Variants in CCNJL observed in about 807,000 individuals in gnomAD.
CCNJL encodes cyclin-J-like protein.
Under a neutral mutation model 33.4 loss-of-function variants are expected in CCNJL, and 33 were observed. The observed-to-expected ratio is 0.99, with a 90% CI of 0.75 to 1.32. The LOEUF (loss-of-function observed/expected upper bound fraction) is 1.32. CCNJL is among the 40% of genes most tolerant of loss of function. CCNJL has a pLI of 0.00. For missense variants in CCNJL, 512 were observed against 499.7 expected (o/e 1.02, Z -0.23); for synonymous variants, 227 against 220.9 (o/e 1.03, Z -0.24).
At position 160,259,669 on chromosome 5, in the gene CCNJL, A is replaced by C; in HGVS notation, c.383T>G (p.Leu128Arg). Residue 128 changes from leucine (L) to arginine (R), a missense_variant, in exon 4 of 6, where the codon CTG becomes CGG. Physicochemically the swap from Leu to Arg is moderately radical, Grantham distance 102 (BLOSUM62 -2). Coordinates refer to ENST00000257536, the MANE Select transcript of CCNJL (RefSeq NM_001308173.3). ...CTCCAGGAGCAGCAGCTCTGTGCTC[A>C]GCAGCTCCTTCTTGGTGAGGGTGAA... is the stretch of plus-strand genomic sequence containing the variant. ...QNFTLTKKEL[L>R]STELLLLEAF... is the part of the protein sequence containing the mutation. 1.2e-6 allele frequency: 2 copies of C among 1,614,192 alleles called. No individual in the cohort carries two copies. Among genetic ancestry groups the C allele is most frequent in the East Asian group, 4.5e-5 (2 of 44,880 alleles).
At chr5:160,270,239 T>C (rs545997466) in intron 3 of CCNJL, among the ~76,000 whole-genome samples, 1 of 150,336 alleles carries the variant, frequency 6.7e-6, no homozygotes, top group South Asian at 2.1e-4. Context: ...AGGCCAGGAG[T>C]TCAAGACCAG....
upstream of CCNJL, among the ~76,000 whole-genome samples, chr5:160,313,876 T>C (rs188437818): frequency 7.9e-5 from 12 of 152,268 alleles, no homozygotes; most frequent in Non-Finnish European, 1.6e-4. Context: ...ATTTTAAAAA[T>C]GGGGGGATGG....
Position 160,324,553 on chromosome 5 carries a change from A to G in CCNJL, n.207-9048T>C, listed in dbSNP as rs149538326. ...GTGCCATTGTACTCCAGCCTGGGCAACAAGAGCAAAACTCGGTCTCCAAAA... is the reference window on the plus strand; with the variant it reads ...GTGCCATTGTACTCCAGCCTGGGCAGCAAGAGCAAAACTCGGTCTCCAAAA... On this transcript the variant is annotated intron_variant and non_coding_transcript_variant, in intron 1 of 7. Coordinates refer to the CCNJL transcript ENST00000377503. Among the ~76,000 whole-genome samples, 992 of 152,316 alleles carry G rather than the reference A, an allele frequency of 6.5e-3. 11 individuals are homozygous for G. The highest frequency in any genetic ancestry group is 0.022 in the African/African-American group (930 of 41,572).
intron 2 of CCNJL, among the ~76,000 whole-genome samples, chr5:160,284,700 C>T (rs1306247803): frequency 6.6e-5 from 10 of 152,334 alleles, no homozygotes; most frequent in Admixed American, 2.0e-4. Flanking sequence ...AGCTATTTTT[C>T]GCAGTCCTAG....
intron 1 of CCNJL, chr5:160,326,956 C>T (rs753875633): frequency 2.3e-5 from 14 of 601,400 alleles, no homozygotes; most frequent in East Asian, 4.0e-5. Flanking sequence ...TACTCTGCTA[C>T]GAAGTTTCTC....
At chr5:160,265,419 C>T (rs1561778248) in intron 3 of CCNJL, among the ~76,000 whole-genome samples, 3 of 152,032 alleles carry the variant, frequency 2.0e-5, no homozygotes, top group Non-Finnish European at 2.9e-5. Flanking sequence ...AGGCGGATCA[C>T]GAGGTCAGAA....
At chr5:160,306,500 G>A (rs1458937015) in intron 2 of CCNJL, among the ~76,000 whole-genome samples, 1 of 152,092 alleles carries the variant, frequency 6.6e-6, no homozygotes, top group Non-Finnish European at 1.5e-5. Flanking sequence ...CTGGCTCCCT[G>A]GAGCCCAGGA....
In CCNJL at chr5:160,311,763, TC is replaced by T. The variant is rs1415405270; in HGVS notation, c.66+94del. The stretch of plus-strand genomic sequence containing the variant: ...AGAGGAAAAAAAGGCACCCGGGAGT[TC>T]TGAGTTCCCACGCAGGCGACCTGAG... On this transcript the variant is annotated intron_variant, in intron 2 of 5. Coordinates refer to ENST00000257536, the MANE Select transcript of CCNJL (RefSeq NM_001308173.3). 2.6e-5 allele frequency: 31 copies of T among 1,195,508 alleles called. No individual in the cohort carries two copies. In the African/African-American group the frequency reaches 3.9e-4, roughly 15 times the overall value. 74.1% of individuals were successfully genotyped at this position (1,195,508 alleles called of 1,614,324 possible). A position where few individuals can be genotyped will look rare whatever the true frequency, so the allele number is the denominator to read the frequency against.
At chr5:160,334,361 A>G (rs1004187980) in intron 1 of CCNJL, among the ~76,000 whole-genome samples, 3 of 152,200 alleles carry the variant, frequency 2.0e-5, no homozygotes, top group Non-Finnish European at 1.5e-5. Flanking sequence ...CCACCTACTC[A>G]GCACCTGCGC....
chr5:160,274,352 A>G (rs1346205121), intron 3 of CCNJL, among the ~76,000 whole-genome samples: 1 of 152,030 alleles, frequency 6.6e-6, no homozygotes, highest in African/African-American at 2.4e-5. Context: ...CCAGCTACTC[A>G]GGAGGCTGAA....
At chr5:160,324,017 C>G (rs183689026) in intron 1 of CCNJL, among the ~76,000 whole-genome samples, 3 of 152,250 alleles carry the variant, frequency 2.0e-5, no homozygotes, top group Admixed American at 2.0e-4. Flanking sequence ...ACCCTCAGAC[C>G]TCATGGGTCT....
intron 3 of CCNJL, among the ~76,000 whole-genome samples, chr5:160,273,445 A>C (rs1761906484): frequency 6.6e-6 from 1 of 152,118 alleles, no homozygotes; most frequent in Non-Finnish European, 1.5e-5. Context: ...TGACACCAAA[A>C]TCACCAACAA....
At chr5:160,329,451 T>C (rs147932022) in intron 1 of CCNJL, among the ~76,000 whole-genome samples, 4,986 of 151,338 alleles carry the variant, frequency 0.033, 262 homozygotes, top group African/African-American at 0.11. Context: ...CCCGGGTTCA[T>C]GCCATTCTCC....
At chr5:160,306,968 T>C (rs1435300426) in intron 2 of CCNJL, among the ~76,000 whole-genome samples, 3 of 152,222 alleles carry the variant, frequency 2.0e-5, no homozygotes, top group Non-Finnish European at 4.4e-5. Context: ...TGCAGGTCTG[T>C]AGGAAGCTGG....
intron 1 of CCNJL, among the ~76,000 whole-genome samples, chr5:160,328,038 G>A (rs1253637488): frequency 6.6e-6 from 1 of 152,212 alleles, no homozygotes; most frequent in Non-Finnish European, 1.5e-5. Context: ...CCGGCTAGAG[G>A]ATGAATACTC....
intron 1 of CCNJL, among the ~76,000 whole-genome samples, chr5:160,333,492 G>A (rs1386115136): frequency 6.6e-6 from 1 of 151,600 alleles, no homozygotes; most frequent in East Asian, 1.9e-4. Context: ...TCAGAAGGCT[G>A]AGGTAGAAGG....
intron 1 of CCNJL, among the ~76,000 whole-genome samples, chr5:160,320,028 AG>A (rs1441217822): frequency 2.0e-5 from 3 of 152,222 alleles, no homozygotes; most frequent in Non-Finnish European, 4.4e-5. Flanking sequence ...CAGACTGGTC[AG>A]GAGTTACTGT....
intron 2 of CCNJL, among the ~76,000 whole-genome samples, chr5:160,294,002 G>C (rs1348165779): frequency 6.6e-6 from 1 of 152,130 alleles, no homozygotes; most frequent in African/African-American, 2.4e-5. Flanking sequence ...TCCACGCCCT[G>C]GGTTGAGACA....
intron 3 of CCNJL, among the ~76,000 whole-genome samples, chr5:160,274,442 G>C (rs537675897): frequency 6.6e-6 from 1 of 152,148 alleles, no homozygotes; most frequent in South Asian, 2.1e-4. Context: ...CTAGGTGACA[G>C]AGTGAGACCT....
Sources: allele counts gnomAD v4.1 joint callset (sites outside exome capture counted in the v4.1 genomes callset), GRCh38; gene constraint gnomAD v4.1.1; transcripts MANE v1.5; gene names NCBI Gene and HGNC (gene_info 2026-07-23, HGNC 2026-07-21).